UBAC2: variants seen among roughly 807,000 people sequenced by gnomAD.
UBAC2 encodes ubiquitin-associated domain-containing protein 2.
UBAC2 carries 26 observed loss-of-function variants against 44.0 expected under a neutral mutation model. The observed-to-expected ratio is 0.59, with a 90% CI of 0.43 to 0.82. The LOEUF (loss-of-function observed/expected upper bound fraction) is 0.82. Ranked by LOEUF, UBAC2 falls within the 40% of genes least tolerant of loss-of-function variation. The probability of loss-of-function intolerance (pLI) is 0.00; values close to 1 mark genes in which losing one functional copy is unlikely to be tolerated. For missense variants in UBAC2, 329 were observed against 419.4 expected (o/e 0.78, Z 1.88); for synonymous variants, 155 against 154.3 (o/e 1.00, Z -0.04).
chr13:99,314,037 A>G (rs9517681), intron 4 of UBAC2, 60 bp from the exon 5 acceptor site: 203,109 of 1,499,670 alleles, frequency 0.14, 16,543 homozygotes, highest in East Asian at 0.35. Context: ...TCAAAGATAC[A>G]TCTGCCATTT....
At chr13:99,256,637 A>G (rs180862786) in intron 4 of UBAC2, 1 of 152,228 alleles carries the variant, frequency 6.6e-6, no homozygotes, top group East Asian at 1.9e-4. Flanking sequence ...AGGAGTATCT[A>G]AGACAAGTAG....
intron 1 of UBAC2, among the ~76,000 whole-genome samples, chr13:99,223,585 A>G (rs2043077452): frequency 1.0e-5 from 1 of 99,292 alleles, no homozygotes; most frequent in Non-Finnish European, 1.9e-5. Context: ...AACCTACACC[A>G]TTATGTGAGA....
At chr13:99,219,006 A>G (rs1344897140) in intron 1 of UBAC2, among the ~76,000 whole-genome samples, 1 of 152,180 alleles carries the variant, frequency 6.6e-6, no homozygotes, top group Non-Finnish European at 1.5e-5. Flanking sequence ...TCTGATGAAA[A>G]ACTTTATGAG....
intron 4 of UBAC2, chr13:99,255,468 C>T (rs143171650): frequency 9.1e-5 from 147 of 1,613,898 alleles, no homozygotes; most frequent in Middle Eastern, 1.6e-4. Context: ...CGGCTTTGCA[C>T]GTGTTTTTAA....
chr13:99,213,662 T>C (rs1306733231), intron 1 of UBAC2, among the ~76,000 whole-genome samples: 4 of 151,866 alleles, frequency 2.6e-5, no homozygotes, highest in Non-Finnish European at 5.9e-5. Context: ...ACCCGGTCGA[T>C]TATAACATTT....
chr13:99,325,899 G>C (rs2044635910), intron 6 of UBAC2, among the ~76,000 whole-genome samples: 1 of 152,128 alleles, frequency 6.6e-6, no homozygotes, highest in African/African-American at 2.4e-5. Context: ...GAATAGTATT[G>C]CATTGTATGC....
chr13:99,317,520 A>G (rs866234093), intron 5 of UBAC2, among the ~76,000 whole-genome samples: 19 of 152,194 alleles, frequency 1.2e-4, no homozygotes, highest in Admixed American at 6.5e-5. Context: ...TCAACACTTG[A>G]GAAAGTTACC....
chr13:99,349,475 A>G (rs1252204696), intron 7 of UBAC2, among the ~76,000 whole-genome samples: 1 of 152,328 alleles, frequency 6.6e-6, no homozygotes, highest in East Asian at 1.9e-4. Flanking sequence ...CAAGATGCGG[A>G]GACCAGTAGT....
At chr13:99,298,439 T>G (rs1444549283) in intron 4 of UBAC2, among the ~76,000 whole-genome samples, 5 of 152,158 alleles carry the variant, frequency 3.3e-5, no homozygotes, top group Admixed American at 2.6e-4. Context: ...TTCGAAATGC[T>G]TAGAACTAAA....
At chr13:99,217,393 G>C (rs2142675313) in intron 1 of UBAC2, among the ~76,000 whole-genome samples, 1 of 152,304 alleles carries the variant, frequency 6.6e-6, no homozygotes, top group African/African-American at 2.4e-5. Context: ...CACCATGCAG[G>C]CGTGTGTTCT....
intron 1 of UBAC2, among the ~76,000 whole-genome samples, chr13:99,228,831 A>G (rs1350116386): frequency 2.0e-5 from 3 of 152,210 alleles, no homozygotes; most frequent in Admixed American, 2.0e-4. Flanking sequence ...AAAGTATGCA[A>G]CCACTTTACT....
Position 99,285,350 on chromosome 13 carries a change from G to A in UBAC2, c.390-28747G>A, listed in dbSNP as rs536564931. Among the ~76,000 whole-genome samples the A allele has an allele frequency of 1.7e-4, 25 of 150,332 alleles. No homozygotes were observed. The South Asian group carries it at 5.1e-3, about 31-fold the overall frequency. On this transcript the variant is annotated intron_variant, in intron 4 of 8. Transcript: ENST00000403766. ...GTACTTTATTAGAATGGTATGGTGG[G>A]TATACTAGATTAACTGGCTCATTAT...
At chr13:99,237,090 C>T (rs2043242598) in intron 1 of UBAC2, among the ~76,000 whole-genome samples, 1 of 152,062 alleles carries the variant, frequency 6.6e-6, no homozygotes, top group South Asian at 2.1e-4. Context: ...GCACTATTCA[C>T]AATAGCCAAA....
intron 4 of UBAC2, among the ~76,000 whole-genome samples, chr13:99,291,378 G>A (rs971246850): frequency 6.6e-6 from 1 of 152,146 alleles, no homozygotes; most frequent in African/African-American, 2.4e-5. Flanking sequence ...TAATGGCCTT[G>A]TCACCGGGTC....
chr13:99,371,953 G>T (rs959485465), intron 8 of UBAC2, among the ~76,000 whole-genome samples: 3 of 152,194 alleles, frequency 2.0e-5, no homozygotes, highest in Non-Finnish European at 2.9e-5. Context: ...CTGTTATTAA[G>T]ATTCAAGATT....
intron 7 of UBAC2, among the ~76,000 whole-genome samples, chr13:99,347,323 C>CCCCG (rs2045002547): frequency 3.0e-5 from 2 of 67,674 alleles, no homozygotes; most frequent in African/African-American, 4.3e-5. Context: ...CCGGGCGCCC[C>CCCCG]CCCCCCCCCC....
At chr13:99,357,648 C>T (rs2045206603) in intron 7 of UBAC2, among the ~76,000 whole-genome samples, 1 of 152,202 alleles carries the variant, frequency 6.6e-6, no homozygotes, top group African/African-American at 2.4e-5. Flanking sequence ...TCACCAGTTT[C>T]CCAGCATTGC....
intron 1 of UBAC2, among the ~76,000 whole-genome samples, chr13:99,218,554 C>T (rs999824117): frequency 8.0e-5 from 12 of 150,448 alleles, no homozygotes; most frequent in African/African-American, 2.9e-4. Context: ...TCCTGATAAA[C>T]TGTATAACTC....
intron 6 of UBAC2, among the ~76,000 whole-genome samples, chr13:99,330,502 G>C (rs1476268929): frequency 7.9e-6 from 1 of 127,288 alleles, no homozygotes; most frequent in Non-Finnish European, 1.7e-5. Context: ...TCTGTATTTC[G>C]TTCTTGTGTC....
Sources: allele counts gnomAD v4.1 joint callset (sites outside exome capture counted in the v4.1 genomes callset), GRCh38; gene constraint gnomAD v4.1.1; transcripts MANE v1.5; gene names NCBI Gene and HGNC (gene_info 2026-07-23, HGNC 2026-07-21).